The following OTOF variants were observed in gnomAD, a reference collection of about 807,000 sequenced individuals.
The protein encoded by OTOF is otoferlin, also known as fer-1-like family member 2.
A neutral mutation model predicts 236.8 loss-of-function variants in OTOF; 218 were observed. That is an observed-to-expected ratio of 0.92 (90% CI 0.82 to 1.03). OTOF has a LOEUF of 1.03. OTOF is among the 50% of genes least tolerant of loss of function. OTOF has a pLI of 0.00. For synonymous variants in OTOF, 1,041 were observed against 1,072.5 expected (o/e 0.97, Z 0.57); for missense variants, 2,590 against 2,694.4 (o/e 0.96, Z 0.86).
rs13409763 is a variant in OTOF, at chr2:26,489,874, C to T, written c.898-134G>A. Reference sequence around the variant, plus strand: ...CCCTGAGCCCCAAAGTTCAGAGGAGCAGCAGAGGCAACTCATCTGATCCTG... The same window carrying T: ...CCCTGAGCCCCAAAGTTCAGAGGAGTAGCAGAGGCAACTCATCTGATCCTG... On this transcript the variant is annotated intron_variant, in intron 9 of 46. Transcript: ENST00000272371. 2,160 of 732,172 alleles carry T rather than the reference C, an allele frequency of 3.0e-3. 22 individuals are homozygous for T. In the African/African-American group the frequency reaches 0.034, roughly 11 times the overall value. The allele number at this position is 732,172 out of a possible 1,614,324, so 45.4% of individuals were successfully genotyped here.
At chr2:26,489,657 C>T (rs1184292272) in intron 10 of OTOF, 21 bp downstream of exon 10, 16 of 1,605,828 alleles carry the variant, frequency 1.0e-5, no homozygotes, top group Non-Finnish European at 1.4e-5. Context: ...CCCTGCCGGC[C>T]AGGGGCTGCT....
At position 26,460,026 on chromosome 2, in the gene OTOF, C is replaced by A; in HGVS notation, c.5993G>T (p.Ter1998LeuextTer66). The A allele has an allele frequency of 6.4e-7, 1 of 1,566,868 alleles. No individual in the cohort carries two copies. The highest frequency in any genetic ancestry group is 2.3e-5 in the East Asian group (1 of 42,970). The part of the protein sequence containing the change: ...GYLVKKILGA[*>L] The stretch of plus-strand genomic sequence containing the variant: ...ATCAGACCCAGGAGGCCACTGGGCT[C>A]AGGCCCCGAGGATTTTCTTGACCAG... The change falls in exon 46 of 47, where the codon TGA becomes TTA. Residue 1998 changes from the stop codon to leucine (L), a stop_lost. Transcript: ENST00000272371. The surrounding 1 kb of genome is among the most constrained non-coding windows in gnomAD (Gnocchi z 5.3).
At chr2:26,472,043 A>G (rs1189443719) in intron 30 of OTOF, among the ~76,000 whole-genome samples, 1 of 151,946 alleles carries the variant, frequency 6.6e-6, no homozygotes, top group East Asian at 1.9e-4. Context: ...GCACACATAC[A>G]TGCACATGCT....
chr2:26,480,382 C>A, intron 15 of OTOF, 71 bp from the exon 16 acceptor site: 1 of 942,106 alleles, frequency 1.1e-6, no homozygotes, highest in Non-Finnish European at 1.7e-6. Flanking sequence ...GGCCTCCTTC[C>A]GTCTCACAGA....
At chr2:26,485,350 TG>T (rs758191504) in intron 11 of OTOF, among the ~76,000 whole-genome samples, 2 of 152,348 alleles carry the variant, frequency 1.3e-5, no homozygotes, top group Non-Finnish European at 2.9e-5. Context: ...GAGTTGATCC[TG>T]GGCTCTTTAG....
chr2:26,529,717 C>T (rs1666895163), intron 2 of OTOF, among the ~76,000 whole-genome samples: 1 of 152,018 alleles, frequency 6.6e-6, no homozygotes, highest in Admixed American at 6.6e-5. Flanking sequence ...TTTGTGACAT[C>T]TCCCTTCAGG....
intron 33 of OTOF, 114 bp from the exon 34 acceptor site, chr2:26,467,615 T>C: frequency 1.5e-6 from 2 of 1,302,912 alleles, no homozygotes; most frequent in Non-Finnish European, 1.1e-6. Context: ...CGGATGTCCA[T>C]GTGCTGTCAA....
chr2:26,482,646 C>CGTGTGTGTG lies in OTOF; in HGVS notation c.1393-55_1393-54insCACACACAC, dbSNP rs1553354220. The CGTGTGTGTG allele has an allele frequency of 4.0e-6, 6 of 1,490,534 alleles. No individual in the cohort carries two copies. In the African/African-American group the frequency reaches 8.3e-5, roughly 21 times the overall value. The allele number at this position is 1,490,534 out of a possible 1,614,324, so 92.3% of individuals were successfully genotyped here. A position where few individuals can be genotyped will look rare whatever the true frequency, so the allele number is the denominator to read the frequency against. ...CGTGGCATGTGTGTGTGAGTGGGTGCATGTGTGTGTGTGTGAGTGGGCGCA... is the reference window on the plus strand; with the variant it reads ...CGTGGCATGTGTGTGTGAGTGGGTGCGTGTGTGTGATGTGTGTGTGTGTGAGTGGGCGCA... On this transcript the variant is annotated intron_variant, in intron 13 of 46. Coordinates refer to ENST00000272371, the MANE Select transcript of OTOF (RefSeq NM_194248.3).
intron 3 of OTOF, among the ~76,000 whole-genome samples, chr2:26,525,314 T>C (rs750366078): frequency 5.3e-5 from 8 of 152,218 alleles, no homozygotes; most frequent in Non-Finnish European, 1.2e-4. Flanking sequence ...GGAGCCCATA[T>C]GGTGGGGCCT....
intron 12 of OTOF, 72 bp downstream of exon 12, chr2:26,484,402 C>A: frequency 1.9e-6 from 3 of 1,557,762 alleles, no homozygotes; most frequent in Non-Finnish European, 2.6e-6. Flanking sequence ...TCTCAGCAAA[C>A]CCTCACCGGG....
chr2:26,543,716 G>A (rs1253264529), intron 1 of OTOF, among the ~76,000 whole-genome samples: 4 of 152,128 alleles, frequency 2.6e-5, no homozygotes, highest in Non-Finnish European at 2.9e-5. Context: ...ATTCTATTTT[G>A]TTTTGAATTT....
At chr2:26,501,151 T>C (rs1302662573) in intron 8 of OTOF, among the ~76,000 whole-genome samples, 1 of 152,232 alleles carries the variant, frequency 6.6e-6, no homozygotes, top group Non-Finnish European at 1.5e-5. Context: ...GCTCATCACC[T>C]GTCCTGCCTG....
rs201123430 is a variant in OTOF at position 26,467,379 on chromosome 2, T to C, written c.4213A>G (p.Ile1405Val). ...SEAPEKKKPKIDELKVYPKEL... is the reference protein window; with the variant it reads ...SEAPEKKKPKVDELKVYPKEL... The stretch of plus-strand genomic sequence containing the variant: ...TAGGCTCTCACCTTAAGCTCATCAA[T>C]CTTGGGTTTCTTCTTCTCGGGGGCC... The change falls in exon 34 of 47, where the codon ATT (isoleucine) becomes GTT (valine). Residue 1405 changes from isoleucine (I) to valine (V), a missense_variant. By Grantham distance (29) the Ile-to-Val change is conservative. Coordinates refer to ENST00000272371, the MANE Select transcript of OTOF (RefSeq NM_194248.3). The C allele has an allele frequency of 1.2e-5, 20 of 1,613,690 alleles. No homozygotes were observed. Among genetic ancestry groups the C allele is most frequent in the Non-Finnish European group, 1.7e-5 (20 of 1,179,994 alleles).
At chr2:26,554,327 G>A (rs1365018634) in intron 1 of OTOF, among the ~76,000 whole-genome samples, 1 of 152,126 alleles carries the variant, frequency 6.6e-6, no homozygotes, top group African/African-American at 2.4e-5. Flanking sequence ...AAGTTCTGGG[G>A]TGAGAGCTCA....
rs1664390672 is a variant in OTOF, at chr2:26,460,126, G to C, written c.5893C>G (p.Leu1965Val). The change falls in exon 46 of 47, where the codon CTG (leucine) becomes GTG (valine). Residue 1965 changes from leucine (L) to valine (V), a missense_variant. Leu to Val is a conservative substitution (Grantham distance 32). Coordinates refer to ENST00000272371, the MANE Select transcript of OTOF (RefSeq NM_194248.3). The surrounding 1 kb of genome is among the most constrained non-coding windows in gnomAD (Gnocchi z 5.3). Reference protein sequence around the residue: ...RYFLWHTYRWLLLKLLLLLLL... With the variant: ...RYFLWHTYRWVLLKLLLLLLL... The stretch of plus-strand genomic sequence containing the variant: ...AGGAGCAGCAACAGTTTGAGGAGCA[G>C]CCAGCGATACGTGTGCCACAAGAAG... 1 of 1,596,620 alleles carries C rather than the reference G, an allele frequency of 6.3e-7. No homozygotes were observed. Among genetic ancestry groups the C allele is most frequent in the East Asian group, 2.3e-5 (1 of 44,306 alleles).
chr2:26,502,793 C>G (rs1666148896), intron 6 of OTOF, among the ~76,000 whole-genome samples: 1 of 152,252 alleles, frequency 6.6e-6, no homozygotes, highest in East Asian at 1.9e-4. Context: ...AGGCACAACA[C>G]CAGGACTTTA....
intron 36 of OTOF, 186 bp from the exon 37 acceptor site, chr2:26,466,262 T>G: frequency 1.5e-6 from 1 of 682,400 alleles, no homozygotes; most frequent in East Asian, 2.7e-5. Flanking sequence ...CTTCTTCCTC[T>G]AGAAAAGATA....
chr2:26,473,159 G>C lies in OTOF; in HGVS notation c.3706C>G (p.Arg1236Gly), dbSNP rs199904558. ...LRRFIYRPPD[R>G]SAPSWNTTVR... Reference sequence around the variant, plus strand: ...GTGGTGTTCCAGCTGGGGGCCGAGCGGTCTGGGGGCCGGTAGATGAAGCGT... The same window carrying C: ...GTGGTGTTCCAGCTGGGGGCCGAGCCGTCTGGGGGCCGGTAGATGAAGCGT... Residue 1236 changes from arginine to glycine, a missense_variant, in exon 29 of 47, where the codon CGC (arginine) becomes GGC (glycine). Arg to Gly is a moderately radical substitution (Grantham distance 125). Coordinates refer to ENST00000272371, the MANE Select transcript of OTOF (RefSeq NM_194248.3). The surrounding 1 kb of genome is among the most constrained non-coding windows in gnomAD (Gnocchi z 7.2). The C allele has an allele frequency of 9.7e-4, 1,565 of 1,612,702 alleles. 1 individual carries two copies. Among genetic ancestry groups the C allele is most frequent in the Non-Finnish European group, 1.2e-3 (1,390 of 1,179,940 alleles).
At chr2:26,468,754 G>A (rs549971107) in intron 32 of OTOF, among the ~76,000 whole-genome samples, 200 of 152,276 alleles carry the variant, frequency 1.3e-3, no homozygotes, top group African/African-American at 4.7e-3. Context: ...CCTTTGCAGG[G>A]ACATGGATGA....
Sources: allele counts gnomAD v4.1 joint callset (sites outside exome capture counted in the v4.1 genomes callset), GRCh38; gene constraint gnomAD v4.1.1; non-coding constraint Gnocchi (gnomAD v3.1); transcripts MANE v1.5; gene names NCBI Gene and HGNC (gene_info 2026-07-23, HGNC 2026-07-21).